The following DDAH1 variants were observed in gnomAD, a reference collection of about 807,000 sequenced individuals.
The protein encoded by DDAH1 is N(G),N(G)-dimethylarginine dimethylaminohydrolase 1.
In DDAH1, 19 loss-of-function variants were observed where a neutral mutation model predicts 28.8. The ratio of observed to expected loss-of-function variants is 0.66; its 90% CI spans 0.46 to 0.97. The LOEUF is 0.97. DDAH1 is among the 50% of genes least tolerant of loss of function. The pLI is 0.00. For synonymous variants in DDAH1, 153 were observed against 154.4 expected, an observed-to-expected ratio of 0.99 and a Z score of 0.07; for missense variants, 326 against 375.9, an observed-to-expected ratio of 0.87 and a Z score of 1.10.
At chr1:85,420,722 T>C (rs1451749613) in intron 1 of DDAH1, among the ~76,000 whole-genome samples, 1 of 152,190 alleles carries the variant, frequency 6.6e-6, no homozygotes, top group Non-Finnish European at 1.5e-5. Flanking sequence ...TTCCCTTATC[T>C]TCCTGTCTTC....
At chr1:85,371,486 G>C (rs72722692) in intron 1 of DDAH1, among the ~76,000 whole-genome samples, 14,048 of 152,198 alleles carry the variant, frequency 0.092, 865 homozygotes, top group South Asian at 0.21. Flanking sequence ...GGGCAACACA[G>C]TAATACTCTA....
At chr1:85,498,203 A>C (rs554959804) in intron 1 of DDAH1, among the ~76,000 whole-genome samples, 1 of 152,304 alleles carries the variant, frequency 6.6e-6, no homozygotes, top group South Asian at 2.1e-4. Context: ...GATAGCCAAC[A>C]GGACTATAGC....
At chr1:85,420,876 G>A (rs1374529374) in intron 1 of DDAH1, among the ~76,000 whole-genome samples, 1 of 152,176 alleles carries the variant, frequency 6.6e-6, no homozygotes, top group African/African-American at 2.4e-5. Context: ...ATCTGAAACT[G>A]GGTAATTTAT....
chr1:85,353,399 T>TAAAATATA (rs1452933251), intron 2 of DDAH1, among the ~76,000 whole-genome samples: 18 of 152,300 alleles, frequency 1.2e-4, no homozygotes, highest in African/African-American at 3.8e-4. Context: ...ATAAATATTA[T>TAAAATATA]AACTTTAATC....
intron 1 of DDAH1, among the ~76,000 whole-genome samples, chr1:85,534,692 A>T (rs1411987594): frequency 6.6e-6 from 1 of 151,856 alleles, no homozygotes; most frequent in African/African-American, 2.4e-5. Flanking sequence ...CTCTTGCATA[A>T]ATGTCTCTTC....
At chr1:85,456,835 A>G (rs907715262) in intron 1 of DDAH1, among the ~76,000 whole-genome samples, 2 of 152,198 alleles carry the variant, frequency 1.3e-5, no homozygotes, top group African/African-American at 4.8e-5. Flanking sequence ...ATATACTGAT[A>G]ACTTACAGGA....
intron 4 of DDAH1, among the ~76,000 whole-genome samples, chr1:85,340,391 T>C (rs1648402784): frequency 6.6e-6 from 1 of 152,196 alleles, no homozygotes. Context: ...TTCCAAAAAT[T>C]CTACCAAAGG....
At chr1:85,378,343 T>C (rs1182494235) in intron 1 of DDAH1, among the ~76,000 whole-genome samples, 1 of 152,216 alleles carries the variant, frequency 6.6e-6, no homozygotes, top group Admixed American at 6.5e-5. Flanking sequence ...TGTGCTCTGC[T>C]GTAGAAGGCA....
At chr1:85,524,858 G>C (rs1657809991) in intron 1 of DDAH1, among the ~76,000 whole-genome samples, 1 of 146,226 alleles carries the variant, frequency 6.8e-6, no homozygotes, top group East Asian at 2.0e-4. Context: ...GTGATGCATA[G>C]TTTCTTCTGT....
intron 2 of DDAH1, among the ~76,000 whole-genome samples, chr1:85,475,590 A>G (rs1490326834): frequency 6.6e-6 from 1 of 152,218 alleles, no homozygotes; most frequent in Non-Finnish European, 1.5e-5. Flanking sequence ...ATGTTTGACA[A>G]TGTATAGGCA....
intron 4 of DDAH1, among the ~76,000 whole-genome samples, chr1:85,331,369 A>G (rs1647749079): frequency 6.6e-6 from 1 of 151,902 alleles, no homozygotes; most frequent in Non-Finnish European, 1.5e-5. Flanking sequence ...ATGTTTAGGG[A>G]ATATTCAAAG....
intron 2 of DDAH1, among the ~76,000 whole-genome samples, chr1:85,482,027 C>A (rs1057376186): frequency 6.6e-6 from 1 of 152,198 alleles, no homozygotes; most frequent in African/African-American, 2.4e-5. Context: ...CTAGGAGACA[C>A]AATAATCCTG....
intron 1 of DDAH1, among the ~76,000 whole-genome samples, chr1:85,389,110 G>A (rs1176619775): frequency 6.6e-6 from 1 of 152,106 alleles, no homozygotes; most frequent in Non-Finnish European, 1.5e-5. Flanking sequence ...GGGAGGCTGA[G>A]GCAGGAGGAT....
At chr1:85,528,033 T>C (rs1570644472) in intron 1 of DDAH1, among the ~76,000 whole-genome samples, 1 of 152,070 alleles carries the variant, frequency 6.6e-6, no homozygotes, top group Admixed American at 6.5e-5. Context: ...TAAAATCATA[T>C]TTATTGTGTA....
chr1:85,412,560 C>T (rs909507783), intron 1 of DDAH1, among the ~76,000 whole-genome samples: 2 of 152,152 alleles, frequency 1.3e-5, no homozygotes, highest in African/African-American at 4.8e-5. Context: ...CCTTTATTTC[C>T]CCCTAATCCC....
intron 1 of DDAH1, among the ~76,000 whole-genome samples, chr1:85,404,712 T>C (rs1307416828): frequency 1.3e-5 from 2 of 152,222 alleles, no homozygotes; most frequent in Non-Finnish European, 2.9e-5. Context: ...TTCTGAGCCA[T>C]GATTCAGAAA....
At chr1:85,455,667 G>A (rs1233416596) in intron 1 of DDAH1, among the ~76,000 whole-genome samples, 2 of 152,148 alleles carry the variant, frequency 1.3e-5, no homozygotes, top group Admixed American at 6.5e-5. Flanking sequence ...CAGGCCACTG[G>A]TTCACATTCA....
At chr1:85,545,794 A>T (rs1557748146) in intron 1 of DDAH1, among the ~76,000 whole-genome samples, 1 of 151,982 alleles carries the variant, frequency 6.6e-6, no homozygotes, top group Non-Finnish European at 1.5e-5. Flanking sequence ...CAGAGGGAGG[A>T]GGGGGGAGAA....
intron 4 of DDAH1, among the ~76,000 whole-genome samples, chr1:85,332,291 G>C (rs1282967045): frequency 6.6e-6 from 1 of 152,138 alleles, no homozygotes; most frequent in Admixed American, 6.5e-5. Flanking sequence ...AGAGTGGCAG[G>C]GTCTCCAGAA....
Sources: gnomAD v4.1 joint callset for allele counts (sites outside exome capture counted in the v4.1 genomes callset) on GRCh38, gnomAD v4.1.1 for gene constraint, MANE v1.5 for transcripts, NCBI Gene and HGNC (gene_info 2026-07-23, HGNC 2026-07-21) for gene names.